Variants in RNF180 observed in about 807,000 individuals in gnomAD.
The protein encoded by RNF180 is E3 ubiquitin-protein ligase RNF180.
In RNF180, 38 loss-of-function variants were observed where a neutral mutation model predicts 59.2. That is an observed-to-expected ratio of 0.64 (90% CI 0.50 to 0.84). The LOEUF is 0.84. Ranked by LOEUF, RNF180 falls within the 40% of genes least tolerant of loss-of-function variation. RNF180 has a pLI of 0.00. For synonymous variants in RNF180, 262 were observed against 240.3 expected (o/e 1.09, Z -0.84); for missense variants, 705 against 700.9 (o/e 1.01, Z -0.07).
intron 6 of RNF180, 97 bp downstream of exon 6, chr5:64,325,508 A>G (rs770770731): frequency 1.1e-5 from 10 of 872,722 alleles, no homozygotes; most frequent in Non-Finnish European, 1.6e-5. Flanking sequence ...AAAATCACAT[A>G]TACCATAATT....
In RNF180 at chr5:64,341,379, G is replaced by A. The variant is rs56830961; in HGVS notation, c.1579+10973G>A. On this transcript the variant is annotated intron_variant, in intron 7 of 7. Coordinates refer to ENST00000389100, the MANE Select transcript of RNF180 (RefSeq NM_001113561.2). The stretch of plus-strand genomic sequence containing the variant: ...ATCCTTTGAGAAGAAAGGGCAGAAA[G>A]GAAGTGAAGGAGCTCAGCATAGCTC... Among the ~76,000 whole-genome samples the A allele has an allele frequency of 9.3e-3, 1,422 of 152,264 alleles. 19 individuals are homozygous for A. The highest frequency in any genetic ancestry group is 0.033 in the African/African-American group (1,359 of 41,530).
intron 5 of RNF180, among the ~76,000 whole-genome samples, chr5:64,225,528 TCG>T: frequency 4.1e-5 from 2 of 48,332 alleles, no homozygotes; most frequent in Admixed American, 2.1e-4. Flanking sequence ...CGGCCGCCCT[TCG>T]TCTGGGAGGT....
Position 64,273,444 on chromosome 5 carries a change from CA to C in RNF180, c.1228-51741del, listed in dbSNP as rs1302982383. ...AACAGAAGAGAAAAAAAAGAGAAGG[CA>C]GCTTAAGACCAAGCATTAAGGAACT... is the stretch of plus-strand genomic sequence containing the variant. On this transcript the variant is annotated intron_variant, in intron 5 of 7. Transcript: ENST00000389100. 5.9e-5 allele frequency among the ~76,000 whole-genome samples: 9 copies of C among 151,816 alleles called. 1 individual carries two copies. Among genetic ancestry groups the C allele is most frequent in the African/African-American group, 2.2e-4 (9 of 41,420 alleles).
chr5:64,256,660 G>A (rs1442405349), intron 5 of RNF180, among the ~76,000 whole-genome samples: 1 of 152,106 alleles, frequency 6.6e-6, no homozygotes, highest in African/African-American at 2.4e-5. Flanking sequence ...TGTTCTTTTG[G>A]CTTAGGATTG....
chr5:64,190,476 A>G (rs1751087026), intron 1 of RNF180, among the ~76,000 whole-genome samples: 1 of 152,130 alleles, frequency 6.6e-6, no homozygotes, highest in Admixed American at 6.5e-5. Flanking sequence ...TTTGGAGTTG[A>G]TGCTAACATG....
At chr5:64,209,047 G>A (rs959491314) in intron 2 of RNF180, among the ~76,000 whole-genome samples, 2 of 151,940 alleles carry the variant, frequency 1.3e-5, no homozygotes, top group African/African-American at 2.4e-5. Context: ...ACAGGCTAGA[G>A]ATATAAGAAA....
intron 5 of RNF180, among the ~76,000 whole-genome samples, chr5:64,254,712 T>C (rs1220636731): frequency 6.6e-6 from 1 of 152,190 alleles, no homozygotes; most frequent in African/African-American, 2.4e-5. Flanking sequence ...TAGCTAATTA[T>C]AGAGTAGGCG....
At position 64,214,264 on chromosome 5, in the gene RNF180, G is replaced by T; in HGVS notation, c.938G>T (p.Gly313Val). The T allele has an allele frequency of 6.2e-7, 1 of 1,614,062 alleles. No individual in the cohort carries two copies. The highest frequency in any genetic ancestry group is 1.1e-5 in the South Asian group (1 of 91,084). ...QTQRGGEFQC[G>V]LEAASVYSDH... The stretch of plus-strand genomic sequence containing the variant: ...CAAAGAGGAGGAGAATTTCAGTGTG[G>T]TCTAGAAGCTGCTTCAGTGTATTCT... Residue 313 changes from glycine to valine, a missense_variant, in exon 4 of 8, where the codon GGT becomes GTT. Transcript: ENST00000389100.
intron 5 of RNF180, among the ~76,000 whole-genome samples, chr5:64,227,236 A>C (rs756616238): frequency 4.6e-5 from 7 of 152,168 alleles, no homozygotes; most frequent in Non-Finnish European, 1.0e-4. Context: ...AAAGGAAGTT[A>C]CTTGGAGGAG....
intron 7 of RNF180, among the ~76,000 whole-genome samples, chr5:64,359,462 G>C (rs1435747508): frequency 6.6e-6 from 1 of 151,744 alleles, no homozygotes; most frequent in Non-Finnish European, 1.5e-5. Context: ...CATGTCCTTC[G>C]CCCACTTTTT....
At chr5:64,311,281 A>G (rs1458363595) in intron 5 of RNF180, among the ~76,000 whole-genome samples, 1 of 152,032 alleles carries the variant, frequency 6.6e-6, no homozygotes, top group Admixed American at 6.6e-5. Flanking sequence ...TATGGTTGAT[A>G]TAGTTCAAAC....
chr5:64,194,599 G>A (rs1269013605), intron 1 of RNF180, among the ~76,000 whole-genome samples: 1 of 152,160 alleles, frequency 6.6e-6, no homozygotes, highest in African/African-American at 2.4e-5. Flanking sequence ...CACAATGGTT[G>A]AACTAGTTTA....
chr5:64,253,439 G>T (rs1264861411), intron 5 of RNF180, among the ~76,000 whole-genome samples: 4 of 151,890 alleles, frequency 2.6e-5, no homozygotes, highest in Non-Finnish European at 5.9e-5. Context: ...TTCTTCAAAG[G>T]CCAAATAAAT....
chr5:64,280,005 A>T (rs1741927414), intron 5 of RNF180, among the ~76,000 whole-genome samples: 1 of 152,150 alleles, frequency 6.6e-6, no homozygotes, highest in South Asian at 2.1e-4. Context: ...AGGCAGGAGA[A>T]TCACTTGAAT....
At position 64,324,062 on chromosome 5, in the gene RNF180, A is replaced by G. The variant is rs966663941; in HGVS notation, c.1228-1124A>G. On this transcript the variant is annotated intron_variant, in intron 5 of 7. Coordinates refer to ENST00000389100, the MANE Select transcript of RNF180 (RefSeq NM_001113561.2). ...GCGAAATAACACCACCAATTTTACC[A>G]TAGGCTAATTGATATAAATAAAGAG... 4.6e-5 allele frequency among the ~76,000 whole-genome samples: 7 copies of G among 152,234 alleles called. 1 individual carries two copies. Among genetic ancestry groups the G allele is most frequent in the Admixed American group, 1.3e-4 (2 of 15,292 alleles).
rs1561265628 is a variant in RNF180 at position 64,330,370 on chromosome 5, C to T, written c.1543C>T (p.Leu515=). Reference sequence around the variant, plus strand: ...GAAATCCAACTCTGCAAAATGGCCCCTACCAAGCTGCAGAAAAGCATTTCA... The same window carrying T: ...GAAATCCAACTCTGCAAAATGGCCCTTACCAAGCTGCAGAAAAGCATTTCA... ...FQKSNSAKWP[L]PSCRKAFHLF... is the part of the protein sequence containing the mutation. Residue 515 remains leucine (L), a synonymous_variant, in exon 7 of 8, where the codon CTA becomes TTA. Transcript: ENST00000389100. 6.5e-7 allele frequency: 1 copy of T among 1,542,296 alleles called. No homozygotes were observed. The highest frequency in any genetic ancestry group is 1.2e-5 in the South Asian group (1 of 80,886).
intron 5 of RNF180, among the ~76,000 whole-genome samples, chr5:64,290,263 T>C (rs1742506327): frequency 6.6e-6 from 1 of 152,252 alleles, no homozygotes; most frequent in Admixed American, 6.5e-5. Flanking sequence ...ATTTCAATTA[T>C]TTTGCATTTG....
At chr5:64,287,442 A>G (rs190430058) in intron 5 of RNF180, among the ~76,000 whole-genome samples, 3 of 152,298 alleles carry the variant, frequency 2.0e-5, no homozygotes, top group East Asian at 1.9e-4. Flanking sequence ...ACCATTGCCT[A>G]TGGAGGATTC....
At chr5:64,311,830 A>G (rs1375268022) in intron 5 of RNF180, among the ~76,000 whole-genome samples, 1 of 151,954 alleles carries the variant, frequency 6.6e-6, no homozygotes, top group Non-Finnish European at 1.5e-5. Flanking sequence ...ATTAGATTAA[A>G]TGATTTAGTG....
Sources: gnomAD v4.1 joint callset for allele counts (sites outside exome capture counted in the v4.1 genomes callset) on GRCh38, gnomAD v4.1.1 for gene constraint, MANE v1.5 for transcripts, NCBI Gene and HGNC (gene_info 2026-07-23, HGNC 2026-07-21) for gene names.